The following AK8 variants were observed in gnomAD, a reference collection of about 807,000 sequenced individuals.
AK8 encodes adenylate kinase 8.
A neutral mutation model predicts 54.6 loss-of-function variants in AK8; 44 were observed. The observed-to-expected ratio is 0.81, with a 90% CI of 0.63 to 1.04. AK8 has a LOEUF of 1.04. Ranked by LOEUF, AK8 falls within the 50% of genes least tolerant of loss-of-function variation. The pLI is 0.00. For missense variants in AK8, 555 were observed against 613.6 expected, an observed-to-expected ratio of 0.90 and a Z score of 1.01; for synonymous variants, 239 against 245.6, an observed-to-expected ratio of 0.97 and a Z score of 0.25.
chr9:132,823,211 C>G lies in AK8; in HGVS notation c.883G>C (p.Val295Leu), dbSNP rs200218431. The G allele has an allele frequency of 1.3e-6, 2 of 1,578,944 alleles. No homozygotes were observed. Among genetic ancestry groups the G allele is most frequent in the East Asian group, 4.5e-5 (2 of 43,960 alleles). The change falls in exon 9 of 13, where the codon GTC (valine) becomes CTC (leucine). Residue 295 changes from valine (V) to leucine (L), a missense_variant. Coordinates refer to ENST00000298545, the MANE Select transcript of AK8 (RefSeq NM_152572.3). ...AALLAQKYRL[V>L]NVCCGQLLKE... ...CAGCACCTGGGGCACTCACCATTGA[C>G]AAGCCTGTATTTCTGGGCCAGGAGG...
intron 5 of AK8, among the ~76,000 whole-genome samples, chr9:132,832,737 G>A (rs1462176676): frequency 6.6e-6 from 1 of 152,148 alleles, no homozygotes; most frequent in African/African-American, 2.4e-5. Context: ...ACTATTCAGG[G>A]GAACAGCTCT....
intron 4 of AK8, among the ~76,000 whole-genome samples, chr9:132,856,033 A>G (rs970388120): frequency 2.6e-5 from 4 of 152,158 alleles, no homozygotes; most frequent in African/African-American, 9.7e-5. Context: ...CTGCTTCCCC[A>G]GGGTACTCCG....
intron 11 of AK8, among the ~76,000 whole-genome samples, chr9:132,782,498 T>C (rs60930729): frequency 0.02 from 2,994 of 152,234 alleles, 98 homozygotes; most frequent in African/African-American, 0.065. Context: ...GACACCAGCC[T>C]GACCAACATG....
At chr9:132,836,238 A>G (rs1457146238) in intron 5 of AK8, among the ~76,000 whole-genome samples, 1 of 152,208 alleles carries the variant, frequency 6.6e-6, no homozygotes, top group African/African-American at 2.4e-5. Context: ...GCAGGGAGCT[A>G]TAATTGTGCC....
At chr9:132,765,231 T>C (rs1350662475) in intron 11 of AK8, among the ~76,000 whole-genome samples, 1 of 126,374 alleles carries the variant, frequency 7.9e-6, no homozygotes, top group Admixed American at 1.0e-4. Flanking sequence ...GGGCGGAGGT[T>C]GTAGTGAGCC....
Position 132,778,221 on chromosome 9 carries a change from T to C in AK8, c.1121+14413A>G, listed in dbSNP as rs577723000. Reference sequence around the variant, plus strand: ...AGCCCATGTCTGGTAAACTCTCGGATGATGGCAGCAAGGCAGGGTCACCCG... The same window carrying C: ...AGCCCATGTCTGGTAAACTCTCGGACGATGGCAGCAAGGCAGGGTCACCCG... On this transcript the variant is annotated intron_variant, in intron 11 of 12. Coordinates refer to ENST00000298545, the MANE Select transcript of AK8 (RefSeq NM_152572.3). Among the ~76,000 whole-genome samples, 280 of 152,284 alleles carry C rather than the reference T, an allele frequency of 1.8e-3. 1 individual carries two copies. The highest frequency in any genetic ancestry group is 3.5e-3 in the Admixed American group (53 of 15,298).
chr9:132,838,593 A>G (rs1842418086), intron 5 of AK8, among the ~76,000 whole-genome samples: 1 of 152,158 alleles, frequency 6.6e-6, no homozygotes, highest in Non-Finnish European at 1.5e-5. Flanking sequence ...CTCCAGGAGG[A>G]AGATTATGCA....
At chr9:132,844,152 G>A (rs1588202726) in intron 5 of AK8, among the ~76,000 whole-genome samples, 1 of 152,052 alleles carries the variant, frequency 6.6e-6, no homozygotes, top group African/African-American at 2.4e-5. Flanking sequence ...ACATTCTCTT[G>A]ATTGTCCCTA....
At chr9:132,833,749 CA>C (rs1194171838) in intron 5 of AK8, among the ~76,000 whole-genome samples, 1 of 152,254 alleles carries the variant, frequency 6.6e-6, no homozygotes, top group Non-Finnish European at 1.5e-5. Context: ...AGACGCCAGT[CA>C]GCCTGGGGAA....
chr9:132,735,314 A>G (rs1026809930), intron 11 of AK8, among the ~76,000 whole-genome samples: 4 of 152,186 alleles, frequency 2.6e-5, no homozygotes, highest in Admixed American at 2.6e-4. Flanking sequence ...TTTCATCACT[A>G]GAAACTGAGG....
rs34375466 is a variant in AK8 at position 132,863,766 on chromosome 9, A to G, written c.232T>C (p.Cys78Arg). 2 of 1,613,178 alleles carry G rather than the reference A, an allele frequency of 1.2e-6. No homozygotes were observed. The highest frequency in any genetic ancestry group is 1.7e-6 in the Non-Finnish European group (2 of 1,179,384). Reference protein sequence around the residue: ...SGKTTIAMWLCKHLNSSLLTL... With the variant: ...SGKTTIAMWLRKHLNSSLLTL... The stretch of plus-strand genomic sequence containing the variant: ...AGGAGACTGCTGTTCAGATGTTTGC[A>G]GAGCCACATTGCCTGAAGAAAGGAA... Residue 78 changes from cysteine to arginine, a missense_variant, in exon 4 of 13, where the codon TGC (cysteine) becomes CGC (arginine). Transcript: ENST00000298545.
In AK8 at chr9:132,799,412, CA is replaced by C. The variant is rs1840336622; in HGVS notation, c.980-6638del. 6.6e-6 allele frequency among the ~76,000 whole-genome samples: 1 copy of C among 152,122 alleles called. No individual in the cohort carries two copies. Among genetic ancestry groups the C allele is most frequent in the Non-Finnish European group, 1.5e-5 (1 of 68,016 alleles). On this transcript the variant is annotated intron_variant, in intron 10 of 12. Transcript: ENST00000298545. The surrounding 1 kb of genome is among the most constrained non-coding windows in gnomAD (Gnocchi z 5.0). ...TGTGAGCCTCCTTGGCACCCTAGGG[CA>C]AACAGGAAAGAGCTGAGTGCCTCCC...
At chr9:132,848,906 C>CTT (rs577735065) in intron 5 of AK8, among the ~76,000 whole-genome samples, 2,658 of 118,526 alleles carry the variant, frequency 0.022, 158 homozygotes, top group African/African-American at 0.081. Context: ...CTCCTGTTTG[C>CTT]TTTTTTTTTT....
At chr9:132,841,329 G>A (rs1315646502) in intron 5 of AK8, among the ~76,000 whole-genome samples, 2 of 152,226 alleles carry the variant, frequency 1.3e-5, no homozygotes, top group East Asian at 1.9e-4. Context: ...TTCCCGGTGC[G>A]TGAAGGCCTC....
chr9:132,833,181 C>T (rs927736818), intron 5 of AK8, among the ~76,000 whole-genome samples: 4 of 152,198 alleles, frequency 2.6e-5, no homozygotes, highest in African/African-American at 9.6e-5. Context: ...AAGCTGCAGG[C>T]TTGGGGCTCA....
intron 11 of AK8, chr9:132,769,801 T>C (rs1210327629): frequency 6.6e-6 from 1 of 152,182 alleles, no homozygotes; most frequent in Non-Finnish European, 1.5e-5. Flanking sequence ...TGGTCATTAG[T>C]ATCCTTTCAG....
chr9:132,811,339 G>A (rs1245086415), intron 10 of AK8, among the ~76,000 whole-genome samples: 3 of 152,216 alleles, frequency 2.0e-5, no homozygotes, highest in African/African-American at 7.2e-5. Flanking sequence ...ATAAGAAGGA[G>A]GTAAGAGGGT....
rs1022129498 is a variant in AK8, at chr9:132,837,116, C to T, written c.403-8390G>A. On this transcript the variant is annotated intron_variant, in intron 5 of 12. Coordinates refer to ENST00000298545, the MANE Select transcript of AK8 (RefSeq NM_152572.3). This position sits in a 1 kb window ranked among gnomAD's most constrained non-coding sequence, Gnocchi z 4.3. The stretch of plus-strand genomic sequence containing the variant: ...TAGGCGGATCATGAGGTCAAGAGAT[C>T]GAGACCATCCTGGCCAACGTGGTGA... 3.3e-5 allele frequency among the ~76,000 whole-genome samples: 5 copies of T among 152,070 alleles called. No individual in the cohort carries two copies. The highest frequency in any genetic ancestry group is 7.2e-5 in the African/African-American group (3 of 41,406).
intron 4 of AK8, among the ~76,000 whole-genome samples, chr9:132,861,130 C>T (rs1254158804): frequency 6.6e-6 from 1 of 152,190 alleles, no homozygotes; most frequent in African/African-American, 2.4e-5. Context: ...AAACAAAAAT[C>T]CCTGGCCACT....
Sources: allele counts gnomAD v4.1 joint callset (sites outside exome capture counted in the v4.1 genomes callset), GRCh38; gene constraint gnomAD v4.1.1; non-coding constraint Gnocchi (gnomAD v3.1); transcripts MANE v1.5; gene names NCBI Gene and HGNC (gene_info 2026-07-23, HGNC 2026-07-21).